Variants in TTC17 observed in about 807,000 individuals in gnomAD.
The protein encoded by TTC17 is tetratricopeptide repeat domain 17.
Under a neutral mutation model 143.8 loss-of-function variants are expected in TTC17, and 58 were observed. The observed-to-expected ratio is 0.40, with a 90% CI of 0.33 to 0.50. The LOEUF is 0.50. Ranked by LOEUF, TTC17 falls within the 20% of genes least tolerant of loss-of-function variation. The probability of loss-of-function intolerance (pLI) is 0.49; values close to 1 mark genes in which losing one functional copy is unlikely to be tolerated. For missense variants in TTC17, 1,273 were observed against 1,392.5 expected (o/e 0.91, Z 1.37); for synonymous variants, 501 against 497.8 (o/e 1.01, Z -0.09).
At chr11:43,435,087 A>ATAGATAGAT (rs1307071643) in intron 16 of TTC17, 1 of 145,672 alleles carries the variant, frequency 6.9e-6, no homozygotes, top group East Asian at 2.2e-4. Context: ...TGATAGATAG[A>ATAGATAGAT]TAGATAGATA....
chr11:43,482,528 A>G (rs1249357518), intron 21 of TTC17, among the ~76,000 whole-genome samples: 2 of 152,048 alleles, frequency 1.3e-5, no homozygotes, highest in African/African-American at 4.8e-5. Flanking sequence ...GTTTAACTCC[A>G]TTGTAGTAAA....
chr11:43,396,791 C>T lies in TTC17; in HGVS notation c.746C>T (p.Ala249Val). 1 of 1,609,432 alleles carries T rather than the reference C, an allele frequency of 6.2e-7. No individual in the cohort carries two copies. Among genetic ancestry groups the T allele is most frequent in the Non-Finnish European group, 8.5e-7 (1 of 1,176,488 alleles). The change falls in exon 6 of 24, where the codon GCC becomes GTC. Residue 249 changes from alanine (A) to valine (V), a missense_variant. Ala to Val is a moderately conservative substitution (Grantham distance 64). Around this residue, in one of 3 missense-constraint regions of TTC17, gnomAD observed 325 missense variants for 444.2 expected, o/e 0.73. Coordinates refer to ENST00000039989, the MANE Select transcript of TTC17 (RefSeq NM_018259.6). ...KNEPYQVVECAMRALHFSSRH... is the reference protein window; with the variant it reads ...KNEPYQVVECVMRALHFSSRH... Reference sequence around the variant, plus strand: ...GAGCCATATCAGGTAGTAGAATGTGCCATGCGAGCACTTCACTTCTCTTCC... The same window carrying T: ...GAGCCATATCAGGTAGTAGAATGTGTCATGCGAGCACTTCACTTCTCTTCC...
chr11:43,364,383 G>T (rs898217387), intron 1 of TTC17, among the ~76,000 whole-genome samples: 17 of 152,108 alleles, frequency 1.1e-4, no homozygotes, highest in Admixed American at 1.1e-3. Context: ...TGAAGGCCTG[G>T]TTTAATTTTG....
At chr11:43,473,742 G>A (rs1948132230) in intron 21 of TTC17, among the ~76,000 whole-genome samples, 1 of 151,994 alleles carries the variant, frequency 6.6e-6, no homozygotes, top group South Asian at 2.1e-4. Context: ...TAATTAGCTA[G>A]GCTTGGTGGC....
At chr11:43,383,552 C>T (rs1857057789) in intron 2 of TTC17, among the ~76,000 whole-genome samples, 1 of 148,884 alleles carries the variant, frequency 6.7e-6, no homozygotes, top group Non-Finnish European at 1.5e-5. Flanking sequence ...TTAGTAGAGA[C>T]AGGGTTTCAC....
chr11:43,476,453 G>A (rs1483525616), intron 21 of TTC17, among the ~76,000 whole-genome samples: 1 of 152,230 alleles, frequency 6.6e-6, no homozygotes, highest in Non-Finnish European at 1.5e-5. Context: ...TCTTGCTGCT[G>A]ATAAAGACAT....
chr11:43,458,196 G>T (rs958517333), intron 21 of TTC17, among the ~76,000 whole-genome samples: 2 of 152,044 alleles, frequency 1.3e-5, no homozygotes, highest in African/African-American at 4.8e-5. Context: ...ATGTTGCTGG[G>T]GCTACACACA....
At chr11:43,458,081 T>A (rs944816565) in intron 21 of TTC17, among the ~76,000 whole-genome samples, 1 of 152,220 alleles carries the variant, frequency 6.6e-6, no homozygotes, top group African/African-American at 2.4e-5. Flanking sequence ...AACAAATGGC[T>A]GTTTACTATT....
At chr11:43,364,773 A>T (rs1856263144) in intron 1 of TTC17, among the ~76,000 whole-genome samples, 1 of 152,090 alleles carries the variant, frequency 6.6e-6, no homozygotes, top group African/African-American at 2.4e-5. Flanking sequence ...AACTTTAAAT[A>T]ATTTTCCCAC....
rs779276212 is a variant in TTC17, at chr11:43,493,839, G to T, written c.3361G>T (p.Ala1121Ser). The change falls in exon 24 of 24, where the codon GCC (alanine) becomes TCC (serine). Residue 1121 changes from alanine (A) to serine (S), a missense_variant. Physicochemically the swap from Ala to Ser is moderately conservative, Grantham distance 99. Transcript: ENST00000039989. ...TLKLQPEFVP[A>S]KNRIQTIQCH... ...GAAGCTTCAGCCCGAGTTTGTCCCAGCCAAGAACCGAATCCAGACCATCCA... is the reference window on the plus strand; with the variant it reads ...GAAGCTTCAGCCCGAGTTTGTCCCATCCAAGAACCGAATCCAGACCATCCA... The T allele has an allele frequency of 7.4e-6, 12 of 1,614,052 alleles. No individual in the cohort carries two copies. The highest frequency in any genetic ancestry group is 1.7e-5 in the Admixed American group (1 of 60,010).
intron 21 of TTC17, among the ~76,000 whole-genome samples, chr11:43,458,515 GA>G (rs1393195743): frequency 1.3e-5 from 2 of 152,224 alleles, no homozygotes; most frequent in African/African-American, 4.8e-5. Flanking sequence ...GAAACAGATA[GA>G]ACTTCACTTC....
intron 5 of TTC17, chr11:43,395,548 G>A (rs944652505): frequency 1.3e-5 from 2 of 152,196 alleles, no homozygotes; most frequent in Admixed American, 6.5e-5. Flanking sequence ...TCGGCCACAA[G>A]TCAGTTGTGA....
intron 21 of TTC17, among the ~76,000 whole-genome samples, chr11:43,481,698 T>C (rs190734481): frequency 8.5e-5 from 13 of 152,340 alleles, no homozygotes; most frequent in Admixed American, 6.5e-4. Flanking sequence ...TTTTACTATC[T>C]GTAGGATCTG....
At chr11:43,475,200 T>C (rs1455108979) in intron 21 of TTC17, among the ~76,000 whole-genome samples, 1 of 152,218 alleles carries the variant, frequency 6.6e-6, no homozygotes, top group Non-Finnish European at 1.5e-5. Flanking sequence ...TTGATTATCC[T>C]TTATCCAAGA....
intron 15 of TTC17, among the ~76,000 whole-genome samples, chr11:43,411,362 CTT>C (rs766022666): frequency 2.6e-5 from 4 of 152,100 alleles, no homozygotes; most frequent in Non-Finnish European, 5.9e-5. Flanking sequence ...TCCTTGAAGT[CTT>C]ATGAATACTA....
chr11:43,476,328 T>G (rs1948183536), intron 21 of TTC17, among the ~76,000 whole-genome samples: 1 of 152,176 alleles, frequency 6.6e-6, no homozygotes, highest in African/African-American at 2.4e-5. Context: ...CATAAGACAG[T>G]TTGAGCAACA....
chr11:43,439,934 C>T (rs1947379120), intron 16 of TTC17, among the ~76,000 whole-genome samples: 1 of 152,180 alleles, frequency 6.6e-6, no homozygotes, highest in African/African-American at 2.4e-5. Context: ...ACATTCTCTC[C>T]AACTTCACAA....
At position 43,414,770 on chromosome 11, in the gene TTC17, T is replaced by G. The variant is rs773901307; in HGVS notation, c.2245T>G (p.Cys749Gly). 4 of 1,612,848 alleles carry G rather than the reference T, an allele frequency of 2.5e-6. No individual in the cohort carries two copies. The highest frequency in any genetic ancestry group is 2.2e-5 in the South Asian group (2 of 90,820). Reference sequence around the variant, plus strand: ...TCTGTACAACATCACTTCTTCTGTTTGCAGTGGTAAGCAGCTTTCAAATGC... The same window carrying G: ...TCTGTACAACATCACTTCTTCTGTTGGCAGTGGTAAGCAGCTTTCAAATGC... ...PFLYNITSSV[C>G]SGTVVEESNG... The change falls in exon 16 of 24, where the codon TGC becomes GGC. Residue 749 changes from cysteine to glycine, a missense_variant. Physicochemically the swap from Cys to Gly is radical, Grantham distance 159. Transcript: ENST00000039989.
At chr11:43,462,134 A>T (rs1441978027) in intron 21 of TTC17, among the ~76,000 whole-genome samples, 1 of 152,080 alleles carries the variant, frequency 6.6e-6, no homozygotes, top group Admixed American at 6.5e-5. Context: ...CTTGTCAGAA[A>T]AAGTAAACTT....
Sources: allele counts gnomAD v4.1 joint callset (sites outside exome capture counted in the v4.1 genomes callset), GRCh38; gene constraint gnomAD v4.1.1; regional missense constraint gnomAD v4.1.1; transcripts MANE v1.5; gene names NCBI Gene and HGNC (gene_info 2026-07-23, HGNC 2026-07-21).